The following ADCY3 variants were observed in gnomAD, a reference collection of about 807,000 sequenced individuals.
ADCY3 encodes adenylate cyclase type 3.
A neutral mutation model predicts 119.4 loss-of-function variants in ADCY3; 70 were observed. The observed-to-expected ratio is 0.59, with a 90% CI of 0.48 to 0.72. The LOEUF (loss-of-function observed/expected upper bound fraction) is 0.72, where lower values mean the gene tolerates loss of function less well. Among genes scored for constraint, ADCY3 ranks in the 30% least tolerant of loss-of-function variants. The pLI is 0.00. For synonymous variants in ADCY3, 672 were observed against 621.4 expected (o/e 1.08, Z -1.21); for missense variants, 1,238 against 1,541.6 (o/e 0.80, Z 3.30).
rs1670947010 is a variant in ADCY3 at position 24,841,102 on chromosome 2, G to A, written c.1196+157C>T. On this transcript the variant is annotated intron_variant, in intron 6 of 21. Transcript: ENST00000679454. The surrounding 1 kb of genome is among the most constrained non-coding windows in gnomAD (Gnocchi z 5.8). ...CCACATCCCAGCTTCTAGAGCGGGA[G>A]CCTGCGCCACCCATCAACCAGTGCT... Among the ~76,000 whole-genome samples the A allele has an allele frequency of 6.6e-6, 1 of 152,230 alleles. No individual in the cohort carries two copies. Among genetic ancestry groups the A allele is most frequent in the African/African-American group, 2.4e-5 (1 of 41,466 alleles).
rs546409683 is a variant in ADCY3, at chr2:24,856,437, A to G, written c.826-14053T>C. Among the ~76,000 whole-genome samples, 33 of 152,320 alleles carry G rather than the reference A, an allele frequency of 2.2e-4. 1 individual carries two copies. Among genetic ancestry groups the G allele is most frequent in the African/African-American group, 7.7e-4 (32 of 41,566 alleles). On this transcript the variant is annotated intron_variant, in intron 3 of 21. Coordinates refer to ENST00000679454, the MANE Select transcript of ADCY3 (RefSeq NM_004036.5). ...AGTCTGTCTTGGTCCCGATTAATCC[A>G]GATTCTTAGAGTGTCCAGCCAATTT...
intron 2 of ADCY3, among the ~76,000 whole-genome samples, chr2:24,880,679 T>TC (rs1245253085): frequency 1.3e-5 from 2 of 152,110 alleles, no homozygotes; most frequent in African/African-American, 4.8e-5. Flanking sequence ...AGTTCTTCAC[T>TC]CCCCCGCAAA....
chr2:24,826,668 T>A (rs949901605), intron 15 of ADCY3: 2 of 154,650 alleles, frequency 1.3e-5, no homozygotes, highest in African/African-American at 4.8e-5. Context: ...GTATGTCTAT[T>A]ACGAACAGTG....
chr2:24,846,664 T>C (rs1308332832), intron 3 of ADCY3, among the ~76,000 whole-genome samples: 1 of 151,758 alleles, frequency 6.6e-6, no homozygotes, highest in South Asian at 2.1e-4. Context: ...CTGCAACCTC[T>C]GCCTCCCCAG....
Position 24,841,126 on chromosome 2 carries a change from C to T in ADCY3, c.1196+133G>A. On this transcript the variant is annotated intron_variant, in intron 6 of 21. Coordinates refer to ENST00000679454, the MANE Select transcript of ADCY3 (RefSeq NM_004036.5). The surrounding 1 kb of genome is among the most constrained non-coding windows in gnomAD (Gnocchi z 5.8). The stretch of plus-strand genomic sequence containing the variant: ...AGCCTGCGCCACCCATCAACCAGTG[C>T]TGTGTCCCAGTCTCTGCTTCCAGCA... 1 of 1,067,882 alleles carries T rather than the reference C, an allele frequency of 9.4e-7. No homozygotes were observed. The highest frequency in any genetic ancestry group is 1.3e-6 in the Non-Finnish European group (1 of 768,028). 66.2% of individuals were successfully genotyped at this position (1,067,882 alleles called of 1,614,324 possible). A position where few individuals can be genotyped will look rare whatever the true frequency, so the allele number is the denominator to read the frequency against.
intron 3 of ADCY3, among the ~76,000 whole-genome samples, chr2:24,871,569 C>A (rs1490822186): frequency 1.3e-5 from 2 of 152,238 alleles, no homozygotes; most frequent in Non-Finnish European, 2.9e-5. Context: ...CTCCTGCAAG[C>A]CAAGGGCTCC....
chr2:24,828,048 G>A lies in ADCY3; in HGVS notation c.2286C>T (p.Leu762=). The part of the protein sequence containing the change: ...KYYNYVAVLS[L]IATIMLVQVS... Reference sequence around the variant, plus strand: ...CCTGCACCAGCATGATGGTGGCGATGAGGGACAGCACGGCCACATAGTTGT... The same window carrying A: ...CCTGCACCAGCATGATGGTGGCGATAAGGGACAGCACGGCCACATAGTTGT... The change falls in exon 14 of 22, where the codon CTC becomes CTT. Residue 762 remains leucine, a synonymous_variant. Coordinates refer to ENST00000679454, the MANE Select transcript of ADCY3 (RefSeq NM_004036.5). 1.2e-6 allele frequency: 2 copies of A among 1,614,272 alleles called. No individual in the cohort carries two copies. Among genetic ancestry groups the A allele is most frequent in the Non-Finnish European group, 8.5e-7 (1 of 1,180,054 alleles).
intron 2 of ADCY3, among the ~76,000 whole-genome samples, chr2:24,884,600 C>T (rs893887459): frequency 8.6e-5 from 13 of 151,538 alleles, no homozygotes; most frequent in Admixed American, 5.3e-4. Flanking sequence ...CTCAGCCTCC[C>T]GAGTATCTGG....
In ADCY3 at chr2:24,837,064, C is replaced by A. The variant is rs747513993; in HGVS notation, c.1534-19G>T. On this transcript the variant is annotated intron_variant, in intron 8 of 21. Transcript: ENST00000679454. ...GCAGGGCCTAGAGGAAAGGAGAGCT[C>A]AGCCATGATCTGGGCATGGGATGAG... The A allele has an allele frequency of 5.6e-5, 91 of 1,612,674 alleles. No individual in the cohort carries two copies. The highest frequency in any genetic ancestry group is 7.4e-5 in the Non-Finnish European group (87 of 1,179,480).
intron 16 of ADCY3, among the ~76,000 whole-genome samples, chr2:24,824,764 C>A (rs1668349943): frequency 6.6e-6 from 1 of 152,168 alleles, no homozygotes; most frequent in Non-Finnish European, 1.5e-5. Context: ...TGGCGGGCAC[C>A]TGTAATCCCA....
At chr2:24,901,012 C>A (rs541931625) in intron 2 of ADCY3, among the ~76,000 whole-genome samples, 12 of 152,086 alleles carry the variant, frequency 7.9e-5, no homozygotes, top group Non-Finnish European at 1.6e-4. Flanking sequence ...TTGCAGTGAG[C>A]CGAGATCATG....
chr2:24,884,664 A>G (rs1339217764), intron 2 of ADCY3, among the ~76,000 whole-genome samples: 2 of 151,742 alleles, frequency 1.3e-5, no homozygotes, highest in Non-Finnish European at 2.9e-5. Flanking sequence ...TTTAGTAGAG[A>G]CAGGGTTTTG....
At chr2:24,892,604 A>C (rs1232942302) in intron 2 of ADCY3, among the ~76,000 whole-genome samples, 1 of 152,162 alleles carries the variant, frequency 6.6e-6, no homozygotes. Flanking sequence ...AGAACATTTC[A>C]GTGCACTTGA....
In ADCY3 at chr2:24,899,374, T is replaced by C. The variant is rs1678652956; in HGVS notation, c.675+18939A>G. ...ACCATTCTCTTGCGACCAAAGCCCA[T>C]GTCTGTCTAAGAGCGGGACCTCACT... is the stretch of plus-strand genomic sequence containing the variant. On this transcript the variant is annotated intron_variant, in intron 2 of 21. Coordinates refer to ENST00000679454, the MANE Select transcript of ADCY3 (RefSeq NM_004036.5). The surrounding 1 kb of genome is among the most constrained non-coding windows in gnomAD (Gnocchi z 4.5). 6.6e-6 allele frequency among the ~76,000 whole-genome samples: 1 copy of C among 152,218 alleles called. No individual in the cohort carries two copies. The highest frequency in any genetic ancestry group is 6.5e-5 in the Admixed American group (1 of 15,278).
At position 24,842,390 on chromosome 2, in the gene ADCY3, A is replaced by G. The variant is rs1269672940; in HGVS notation, c.826-6T>C. The G allele has an allele frequency of 1.4e-5, 22 of 1,613,900 alleles. No individual in the cohort carries two copies. In the East Asian group the frequency reaches 4.9e-4, roughly 36 times the overall value. On this transcript the variant is annotated splice_region_variant and splice_polypyrimidine_tract_variant and intron_variant, in intron 3 of 21. Transcript: ENST00000679454. This position sits in a 1 kb window ranked among gnomAD's most constrained non-coding sequence, Gnocchi z 4.9. ...ATGGAAAGCATGAGGTTCTCCTGTG[A>G]GGGGCAGGAGAGGGTCAGAGGCAAA...
chr2:24,876,692 A>C (rs969866463), intron 2 of ADCY3, among the ~76,000 whole-genome samples: 1 of 152,176 alleles, frequency 6.6e-6, no homozygotes, highest in Non-Finnish European at 1.5e-5. Context: ...CTGGGTAAGC[A>C]GGGCAGCTGC....
At chr2:24,840,666 C>T (rs1049389667) in intron 6 of ADCY3, 8 of 390,266 alleles carry the variant, frequency 2.0e-5, no homozygotes, top group South Asian at 7.7e-5. Context: ...CCCCGGGTCC[C>T]GCAGAGGCTG....
chr2:24,821,798 T>A, intron 19 of ADCY3, 158 bp from the exon 20 acceptor site: 1 of 1,091,888 alleles, frequency 9.2e-7, no homozygotes, highest in Non-Finnish European at 1.3e-6. Context: ...ACGCTAGCTC[T>A]GACTTGCCAC....
intron 3 of ADCY3, among the ~76,000 whole-genome samples, chr2:24,863,449 A>G (rs896989841): frequency 1.3e-5 from 2 of 152,220 alleles, no homozygotes; most frequent in South Asian, 2.1e-4. Flanking sequence ...CAGATGGCCT[A>G]TTGTGGGACC....
Sources: gnomAD v4.1 joint callset for allele counts (sites outside exome capture counted in the v4.1 genomes callset) on GRCh38, gnomAD v4.1.1 for gene constraint, Gnocchi (gnomAD v3.1) non-coding constraint, MANE v1.5 for transcripts, NCBI Gene and HGNC (gene_info 2026-07-23, HGNC 2026-07-21) for gene names.